CNTN4: variants seen among roughly 807,000 people sequenced by gnomAD.
The protein encoded by CNTN4 is contactin-4.
CNTN4 carries 77 observed loss-of-function variants against 122.5 expected under a neutral mutation model. That is an observed-to-expected ratio of 0.63 (90% CI 0.52 to 0.76). The LOEUF is 0.76. Ranked by LOEUF, CNTN4 falls within the 30% of genes least tolerant of loss-of-function variation. The pLI is 0.00. For synonymous variants in CNTN4, 512 were observed against 447.0 expected (o/e 1.15, Z -1.83); for missense variants, 1,256 against 1,259.1 (o/e 1.00, Z 0.04).
intron 3 of CNTN4, among the ~76,000 whole-genome samples, chr3:2,452,447 G>T (rs978986843): frequency 6.6e-6 from 1 of 152,110 alleles, no homozygotes; most frequent in Admixed American, 6.6e-5. Context: ...GATTCTATTT[G>T]GGAAGGGACT....
chr3:2,482,930 T>A (rs1341207317), intron 3 of CNTN4, among the ~76,000 whole-genome samples: 1 of 152,182 alleles, frequency 6.6e-6, no homozygotes, highest in Non-Finnish European at 1.5e-5. Flanking sequence ...AATGTGGGGT[T>A]GGAGGCCCCA....
At chr3:2,850,693 A>G (rs1402318086) in intron 7 of CNTN4, among the ~76,000 whole-genome samples, 4 of 152,190 alleles carry the variant, frequency 2.6e-5, no homozygotes, top group African/African-American at 9.7e-5. Context: ...TCAATTTCCC[A>G]TGACTCTCTT....
chr3:2,751,838 T>G (rs2090108546), intron 6 of CNTN4, among the ~76,000 whole-genome samples: 1 of 151,870 alleles, frequency 6.6e-6, no homozygotes, highest in South Asian at 2.1e-4. Context: ...ACAATACAAA[T>G]CCTCATTTTT....
At chr3:2,630,701 AGTGTGTGT>A (rs10689131) in intron 4 of CNTN4, among the ~76,000 whole-genome samples, 4,866 of 137,358 alleles carry the variant, frequency 0.035, 232 homozygotes, top group African/African-American at 0.13. Context: ...TTATTAAGGG[AGTGTGTGT>A]GTGTGTGTGT....
At chr3:2,266,118 A>G (rs2041034643) in intron 2 of CNTN4, among the ~76,000 whole-genome samples, 2 of 152,066 alleles carry the variant, frequency 1.3e-5, no homozygotes, top group South Asian at 4.1e-4. Flanking sequence ...GAAGTGGTGA[A>G]TATGGGCATC....
At chr3:2,119,973 G>T (rs2033612660) in intron 2 of CNTN4, among the ~76,000 whole-genome samples, 1 of 152,108 alleles carries the variant, frequency 6.6e-6, no homozygotes, top group Non-Finnish European at 1.5e-5. Flanking sequence ...GTCAAGAAAG[G>T]CTTCTTGGTA....
At chr3:2,283,480 A>G (rs1018899613) in intron 2 of CNTN4, among the ~76,000 whole-genome samples, 8 of 152,162 alleles carry the variant, frequency 5.3e-5, no homozygotes, top group African/African-American at 1.7e-4. Flanking sequence ...TAAATATGTC[A>G]CTGAAACAGG....
intron 13 of CNTN4, among the ~76,000 whole-genome samples, chr3:2,959,736 G>A (rs80324089): frequency 2.0e-5 from 3 of 151,830 alleles, no homozygotes; most frequent in African/African-American, 7.3e-5. Context: ...AAATCCCCTA[G>A]TTTATTCCAG....
chr3:3,051,860 C>G (rs1701307438), intron 23 of CNTN4, among the ~76,000 whole-genome samples: 1 of 152,142 alleles, frequency 6.6e-6, no homozygotes, highest in Non-Finnish European at 1.5e-5. Context: ...ATGTCTGTAG[C>G]CTCAGCAGAT....
intron 13 of CNTN4, among the ~76,000 whole-genome samples, chr3:2,947,688 C>A (rs905143470): frequency 6.6e-6 from 1 of 152,160 alleles, no homozygotes; most frequent in South Asian, 2.1e-4. Flanking sequence ...TGTCAATTAA[C>A]CCTCTTCCCA....
chr3:2,876,014 C>G (rs555784036), intron 8 of CNTN4, among the ~76,000 whole-genome samples: 1 of 152,328 alleles, frequency 6.6e-6, no homozygotes, highest in Non-Finnish European at 1.5e-5. Context: ...AAAAGGTTAT[C>G]TCTGCATTTT....
intron 6 of CNTN4, among the ~76,000 whole-genome samples, chr3:2,768,485 GCA>G (rs2090955624): frequency 6.6e-6 from 1 of 152,154 alleles, no homozygotes; most frequent in Non-Finnish European, 1.5e-5. Context: ...TAGATTTGTA[GCA>G]CAGTCTTGTT....
intron 4 of CNTN4, among the ~76,000 whole-genome samples, chr3:2,655,994 A>G (rs1323714560): frequency 2.3e-4 from 35 of 152,206 alleles, no homozygotes; most frequent in Admixed American, 2.3e-3. Context: ...GCTTTCTGAT[A>G]ATTAGAGATA....
At chr3:2,699,825 T>G (rs1166917361) in intron 4 of CNTN4, among the ~76,000 whole-genome samples, 1 of 152,202 alleles carries the variant, frequency 6.6e-6, no homozygotes, top group Non-Finnish European at 1.5e-5. Flanking sequence ...GGCCTGATTC[T>G]TCTTCAACAG....
intron 2 of CNTN4, among the ~76,000 whole-genome samples, chr3:2,166,682 G>T (rs552187931): frequency 3.9e-5 from 6 of 152,126 alleles, no homozygotes; most frequent in Non-Finnish European, 7.4e-5. Flanking sequence ...TGTGTATGTT[G>T]TGAATGCTGT....
At chr3:2,937,206 C>A (rs1321882456) in intron 13 of CNTN4, among the ~76,000 whole-genome samples, 1 of 152,126 alleles carries the variant, frequency 6.6e-6, no homozygotes, top group Non-Finnish European at 1.5e-5. Context: ...TCCAGCATGT[C>A]CGTCTTATGC....
chr3:2,515,127 A>T (rs142074556), intron 3 of CNTN4, among the ~76,000 whole-genome samples: 148 of 152,264 alleles, frequency 9.7e-4, no homozygotes, highest in Non-Finnish European at 1.5e-3. Flanking sequence ...ATGATAGTTC[A>T]TTGAAGTATC....
chr3:2,911,976 G>A (rs377766852), intron 12 of CNTN4, among the ~76,000 whole-genome samples: 4 of 152,174 alleles, frequency 2.6e-5, no homozygotes, highest in Admixed American at 2.6e-4. Context: ...TAAGTGTTAT[G>A]TAATTTGCAG....
chr3:2,632,708 A>G (rs761677021), intron 4 of CNTN4, among the ~76,000 whole-genome samples: 11 of 152,164 alleles, frequency 7.2e-5, no homozygotes, highest in Non-Finnish European at 1.6e-4. Context: ...TTTAGCACTT[A>G]CTATATGCCA....
Sources: allele counts gnomAD v4.1 joint callset (sites outside exome capture counted in the v4.1 genomes callset), GRCh38; gene constraint gnomAD v4.1.1; transcripts MANE v1.5; gene names NCBI Gene and HGNC (gene_info 2026-07-23, HGNC 2026-07-21).